The following DNAH6 variants were observed in gnomAD, a reference collection of about 807,000 sequenced individuals.
DNAH6 encodes axonemal beta dynein heavy chain 6.
A neutral mutation model predicts 491.4 loss-of-function variants in DNAH6; 340 were observed. The ratio of observed to expected loss-of-function variants is 0.69; its 90% CI spans 0.63 to 0.76. The LOEUF is 0.76. DNAH6 is among the 30% of genes least tolerant of loss of function. The pLI is 0.00. For synonymous variants in DNAH6, 1,603 were observed against 1,686.1 expected (o/e 0.95, Z 1.21); for missense variants, 4,443 against 4,972.2 (o/e 0.89, Z 3.20).
At chr2:84,474,592 G>A in the DNAH6 span, among the ~76,000 whole-genome samples, 1 of 152,068 alleles carries the variant, frequency 6.6e-6, no homozygotes, top group Non-Finnish European at 1.5e-5. Context: ...TTGATCCATA[G>A]GAATAGATAT....
Position 84,815,876 on chromosome 2 carries a change from G to A in DNAH6, c.12166G>A (p.Asp4056Asn), listed in dbSNP as rs1314892466. The A allele has an allele frequency of 6.4e-7, 1 of 1,551,292 alleles. No individual in the cohort carries two copies. The highest frequency in any genetic ancestry group is 8.7e-7 in the Non-Finnish European group (1 of 1,146,806). ...TATCTTTCAGTTGCCCTCTCCTGAG[G>A]ATGGTGTTCTTGTTCATGGGATGTT... ...PMDMELPSPE[D>N]GVLVHGMFMD... The change falls in exon 76 of 77, where the codon GAT becomes AAT. Residue 4056 changes from aspartate (D) to asparagine (N), a missense_variant. Physicochemically the swap from Asp to Asn is conservative, Grantham distance 23. This residue lies in a region of DNAH6 where 1,463 missense variants were observed against 1,656.6 expected (regional missense o/e 0.88). Transcript: ENST00000389394.
chr2:84,664,483 A>C (rs1344212902), intron 37 of DNAH6, among the ~76,000 whole-genome samples: 1 of 152,228 alleles, frequency 6.6e-6, no homozygotes, highest in Non-Finnish European at 1.5e-5. Context: ...TAAACCAACA[A>C]AGATCAAAAG....
chr2:84,662,010 A>G (rs192287497), intron 37 of DNAH6, among the ~76,000 whole-genome samples: 2 of 152,274 alleles, frequency 1.3e-5, no homozygotes, highest in Non-Finnish European at 2.9e-5. Flanking sequence ...CATGTTCTAT[A>G]TTTTAATCTA....
At chr2:84,549,062 T>G (rs1679074310) in intron 8 of DNAH6, among the ~76,000 whole-genome samples, 1 of 152,170 alleles carries the variant, frequency 6.6e-6, no homozygotes, top group East Asian at 1.9e-4. Flanking sequence ...TCCTAGGACC[T>G]CACCAGGGGA....
chr2:84,776,106 A>G (rs1217706554), intron 64 of DNAH6, among the ~76,000 whole-genome samples: 6 of 152,220 alleles, frequency 3.9e-5, no homozygotes, highest in East Asian at 1.9e-4. Flanking sequence ...TATATAGATC[A>G]CAAAATAAGA....
rs547371309 is a variant in DNAH6, at chr2:84,597,094, T to G, written c.2868+1305T>G. Among the ~76,000 whole-genome samples, 24 of 152,302 alleles carry G rather than the reference T, an allele frequency of 1.6e-4. No homozygotes were observed. The East Asian group carries it at 4.2e-3, about 27-fold the overall frequency. On this transcript the variant is annotated intron_variant, in intron 18 of 76. Transcript: ENST00000389394. ...TCCCTTTGTAGTCAGCCTTTCCCTT[T>G]ATCACAATTCCACACAACCACTGAT...
At chr2:84,516,297 G>C (rs566671294), upstream of DNAH6, among the ~76,000 whole-genome samples, 1 of 152,164 alleles carries the variant, frequency 6.6e-6, no homozygotes, top group African/African-American at 2.4e-5. Context: ...TCAATTCCCA[G>C]CGCAGAGGAG....
intron 63 of DNAH6, among the ~76,000 whole-genome samples, chr2:84,761,531 G>A (rs527567907): frequency 6.6e-6 from 1 of 152,272 alleles, no homozygotes; most frequent in African/African-American, 2.4e-5. Context: ...GAAAGGTTAA[G>A]TGAATTATAC....
the DNAH6 span, among the ~76,000 whole-genome samples, chr2:84,495,843 A>T: frequency 7.9e-5 from 12 of 152,200 alleles, no homozygotes; most frequent in Admixed American, 7.9e-4. Context: ...TCTAATTCTC[A>T]TCTTTGAGAG....
At chr2:84,525,359 A>C (rs1420164090) in intron 2 of DNAH6, among the ~76,000 whole-genome samples, 1 of 152,114 alleles carries the variant, frequency 6.6e-6, no homozygotes, top group Non-Finnish European at 1.5e-5. Flanking sequence ...GTATAAAATT[A>C]ATGGAAGCTA....
chr2:84,722,200 C>G (rs1269357182), intron 59 of DNAH6, among the ~76,000 whole-genome samples: 2 of 152,174 alleles, frequency 1.3e-5, no homozygotes, highest in East Asian at 1.9e-4. Flanking sequence ...GCCTCCCAGC[C>G]ACTCTCTACT....
At chr2:84,516,329 C>T (rs1454300561), upstream of DNAH6, 1 of 152,358 alleles carries the variant, frequency 6.6e-6, no homozygotes, top group South Asian at 2.1e-4. Flanking sequence ...TGCGGCTTCT[C>T]CAACAATCAG....
chr2:84,698,695 A>G (rs1695613377), intron 47 of DNAH6, among the ~76,000 whole-genome samples: 1 of 152,232 alleles, frequency 6.6e-6, no homozygotes, highest in Non-Finnish European at 1.5e-5. Flanking sequence ...GTATATACCC[A>G]AAGGAAAATA....
At chr2:84,567,945 G>T in intron 11 of DNAH6, among the ~76,000 whole-genome samples, 1 of 151,918 alleles carries the variant, frequency 6.6e-6, no homozygotes, top group East Asian at 1.9e-4. Flanking sequence ...TGTGGCATAT[G>T]TATATTATAT....
chr2:84,684,448 T>C (rs1694088216), intron 42 of DNAH6, among the ~76,000 whole-genome samples: 1 of 152,216 alleles, frequency 6.6e-6, no homozygotes, highest in South Asian at 2.1e-4. Flanking sequence ...CTGCATTTCA[T>C]CAAAAGTCCT....
chr2:84,548,189 G>A, intron 7 of DNAH6, 99 bp from the exon 8 acceptor site: 1 of 1,312,674 alleles, frequency 7.6e-7, no homozygotes, highest in Non-Finnish European at 1.0e-6. Flanking sequence ...AAAATATTTT[G>A]TTGTTTTTGA....
intron 76 of DNAH6, 77 bp from the exon 77 acceptor site, chr2:84,819,228 C>G: frequency 9.3e-7 from 1 of 1,069,570 alleles, no homozygotes; most frequent in Non-Finnish European, 1.4e-6. Context: ...GATGTCTTGA[C>G]TCTTTGTAGC....
intron 59 of DNAH6, among the ~76,000 whole-genome samples, chr2:84,721,175 A>G (rs1269425161): frequency 6.6e-6 from 1 of 152,202 alleles, no homozygotes. Context: ...TGGTTTCTAC[A>G]TTATCAGTGC....
intron 63 of DNAH6, among the ~76,000 whole-genome samples, chr2:84,745,483 G>A (rs949880934): frequency 3.9e-5 from 6 of 152,150 alleles, no homozygotes; most frequent in Admixed American, 2.0e-4. Context: ...GGCTAACACG[G>A]TGAAACCGCG....
Sources: allele counts gnomAD v4.1 joint callset (sites outside exome capture counted in the v4.1 genomes callset), GRCh38; gene constraint gnomAD v4.1.1; regional missense constraint gnomAD v4.1.1; transcripts MANE v1.5; gene names NCBI Gene and HGNC (gene_info 2026-07-23, HGNC 2026-07-21).